Variants in DYNC2LI1 observed in about 807,000 individuals in gnomAD.
DYNC2LI1 encodes cytoplasmic dynein 2 light intermediate chain 1.
DYNC2LI1 carries 45 observed loss-of-function variants against 51.9 expected under a neutral mutation model. The ratio of observed to expected loss-of-function variants is 0.87; its 90% confidence interval spans 0.68 to 1.11. DYNC2LI1 has a LOEUF of 1.11. DYNC2LI1 is among the 50% of genes most tolerant of loss of function. DYNC2LI1 has a pLI of 0.00. For synonymous variants in DYNC2LI1, 130 were observed against 137.8 expected, an observed-to-expected ratio of 0.94 and a Z score of 0.40; for missense variants, 490 against 417.4, an observed-to-expected ratio of 1.17 and a Z score of -1.51.
intron 5 of DYNC2LI1, among the ~76,000 whole-genome samples, chr2:43,791,955 T>A (rs1673813805): frequency 6.6e-6 from 1 of 152,176 alleles, no homozygotes. Flanking sequence ...AAAATTTTAA[T>A]CTTAGAAAAA....
At chr2:43,789,049 G>A (rs112968337) in intron 4 of DYNC2LI1, among the ~76,000 whole-genome samples, 2,239 of 152,252 alleles carry the variant, frequency 0.015, 68 homozygotes, top group African/African-American at 0.052. Flanking sequence ...CCCACCTACC[G>A]TGTATTATTG....
chr2:43,810,775 C>G (rs4148196), downstream of DYNC2LI1, among the ~76,000 whole-genome samples: 36,902 of 152,094 alleles, frequency 0.24, 5,412 homozygotes, highest in African/African-American at 0.4. Flanking sequence ...CTTTAGCACA[C>G]GTTTCTTGCT....
In DYNC2LI1 at chr2:43,798,304, A is replaced by G. The variant is rs116178460; in HGVS notation, c.654+1509A>G. Among the ~76,000 whole-genome samples the G allele has an allele frequency of 6.4e-3, 971 of 152,202 alleles. 11 individuals are homozygous for G. Among genetic ancestry groups the G allele is most frequent in the African/African-American group, 0.022 (909 of 41,538 alleles). ...TTTTATACCTTTCAAAACATTACAC[A>G]TTTCATTATGTATTTTCTTAAAAAT... is the stretch of plus-strand genomic sequence containing the variant. On this transcript the variant is annotated intron_variant, in intron 8 of 12. Coordinates refer to ENST00000260605, the MANE Select transcript of DYNC2LI1 (RefSeq NM_016008.4).
the DYNC2LI1 span, chr2:43,823,971 G>A: frequency 6.2e-7 from 1 of 1,614,210 alleles, no homozygotes; most frequent in South Asian, 1.1e-5. Context: ...ACTGGTAAAG[G>A]AGACCTACGC....
the DYNC2LI1 span, chr2:43,824,009 T>C: frequency 2.4e-5 from 38 of 1,614,072 alleles, no homozygotes; most frequent in Middle Eastern, 1.6e-4. Context: ...TTTAGCACAT[T>C]GCTTCGGACC....
At chr2:43,789,121 G>A (rs1673658513) in intron 4 of DYNC2LI1, among the ~76,000 whole-genome samples, 1 of 152,154 alleles carries the variant, frequency 6.6e-6, no homozygotes, top group Non-Finnish European at 1.5e-5. Context: ...TTATACTTTT[G>A]CTCAAGTAAT....
chr2:43,796,675 A>G, intron 7 of DYNC2LI1, 43 bp from the exon 8 acceptor site: 1 of 1,368,670 alleles, frequency 7.3e-7, no homozygotes, highest in Non-Finnish European at 1.0e-6. Flanking sequence ...CCTGCTATAG[A>G]TATTTGGTTA....
intron 10 of DYNC2LI1, among the ~76,000 whole-genome samples, chr2:43,803,355 A>C (rs1666135961): frequency 6.6e-6 from 1 of 152,242 alleles, no homozygotes; most frequent in Admixed American, 6.5e-5. Flanking sequence ...AGGAACAAAT[A>C]ATTGATACAC....
In DYNC2LI1 at chr2:43,794,441, G is replaced by T. The variant is rs1388957461; in HGVS notation, c.321-16G>T. ...TTATTTTGAGTCTTTTTTGAAAAGTGTTTTTATTTCTTTAGGACGTTTTCT... is the reference window on the plus strand; with the variant it reads ...TTATTTTGAGTCTTTTTTGAAAAGTTTTTTTATTTCTTTAGGACGTTTTCT... On this transcript the variant is annotated splice_polypyrimidine_tract_variant and intron_variant, in intron 5 of 12. Transcript: ENST00000260605. 5 of 1,584,788 alleles carry T rather than the reference G, an allele frequency of 3.2e-6. No homozygotes were observed. In the Admixed American group the frequency reaches 5.6e-5, roughly 18 times the overall value.
the DYNC2LI1 span, among the ~76,000 whole-genome samples, chr2:43,817,461 G>A: frequency 6.6e-6 from 1 of 151,844 alleles, no homozygotes; most frequent in African/African-American, 2.4e-5. Context: ...TTCCAGCCTG[G>A]GTGACAGAGT....
intron 12 of DYNC2LI1, among the ~76,000 whole-genome samples, chr2:43,806,388 T>C (rs1332776009): frequency 6.6e-6 from 1 of 152,186 alleles, no homozygotes; most frequent in Non-Finnish European, 1.5e-5. Flanking sequence ...CCAGGGTTTT[T>C]TTCTCAGTAT....
At chr2:43,776,044 CT>C (rs1384604870) in intron 1 of DYNC2LI1, among the ~76,000 whole-genome samples, 5 of 151,122 alleles carry the variant, frequency 3.3e-5, no homozygotes, top group African/African-American at 1.2e-4. Flanking sequence ...TCTTCTTCTT[CT>C]TTTTTTATAC....
At chr2:43,775,511 CG>C (rs1672970775) in intron 1 of DYNC2LI1, among the ~76,000 whole-genome samples, 2 of 148,288 alleles carry the variant, frequency 1.3e-5, no homozygotes, top group Admixed American at 6.7e-5. Context: ...TTTTTTTTGG[CG>C]GGGGGAGACA....
intron 3 of DYNC2LI1, among the ~76,000 whole-genome samples, chr2:43,786,913 C>A (rs1673547623): frequency 6.6e-6 from 1 of 152,194 alleles, no homozygotes. Flanking sequence ...CCAGCGTGGC[C>A]ATCCACGCTG....
At chr2:43,824,282 G>A in the DYNC2LI1 span, 2 of 1,614,172 alleles carry the variant, frequency 1.2e-6, no homozygotes, top group Non-Finnish European at 1.7e-6. Flanking sequence ...AGGAACCATT[G>A]GTAACGTTTT....
chr2:43,790,801 A>T (rs1673746548), intron 5 of DYNC2LI1, among the ~76,000 whole-genome samples: 1 of 152,082 alleles, frequency 6.6e-6, no homozygotes, highest in African/African-American at 2.4e-5. Context: ...ACTTTTCTCT[A>T]TGATTTTATT....
chr2:43,822,468 C>G, the DYNC2LI1 span: 2 of 819,746 alleles, frequency 2.4e-6, 1 homozygote, highest in Admixed American at 1.4e-4. Flanking sequence ...TGCTTTCTCC[C>G]CTCCCCCAGG....
intron 5 of DYNC2LI1, among the ~76,000 whole-genome samples, chr2:43,791,138 G>A (rs759296552): frequency 6.6e-5 from 10 of 152,256 alleles, no homozygotes; most frequent in South Asian, 2.1e-4. Flanking sequence ...GGAGGATTGC[G>A]TGAGCCAGGG....
At chr2:43,779,854 C>G (rs997910318) in intron 2 of DYNC2LI1, among the ~76,000 whole-genome samples, 1 of 152,212 alleles carries the variant, frequency 6.6e-6, no homozygotes, top group African/African-American at 2.4e-5. Flanking sequence ...TGATACTAAT[C>G]TGCCCAGAGT....
Sources: gnomAD v4.1 joint callset for allele counts (sites outside exome capture counted in the v4.1 genomes callset) on GRCh38, gnomAD v4.1.1 for gene constraint, MANE v1.5 for transcripts, NCBI Gene and HGNC (gene_info 2026-07-23, HGNC 2026-07-21) for gene names.